The following MACF1 variants were observed in gnomAD, a reference collection of about 807,000 sequenced individuals.
MACF1 encodes microtubule actin crosslinking factor 1.
Under a neutral mutation model 854.8 loss-of-function variants are expected in MACF1, and 193 were observed. The ratio of observed to expected loss-of-function variants is 0.23; its 90% CI spans 0.20 to 0.25. MACF1 has a LOEUF of 0.25. Among genes scored for constraint, MACF1 ranks in the 10% least tolerant of loss-of-function variants. The pLI, the probability that MACF1 is intolerant of heterozygous loss-of-function variation, is 1.00. For missense variants in MACF1, 7,722 were observed against 8,929.1 expected (o/e 0.86, Z 5.45); for synonymous variants, 3,185 against 3,226.7 (o/e 0.99, Z 0.44).
In MACF1 at chr1:39,357,634, G is replaced by C. The variant is rs142001499; in HGVS notation, c.11684G>C (p.Arg3895Pro). The C allele has an allele frequency of 1.2e-6, 2 of 1,614,112 alleles. No homozygotes were observed. Among genetic ancestry groups the C allele is most frequent in the African/African-American group, 1.3e-5 (1 of 75,026 alleles). ...AAAGAGTTTGAAAGCTGGTTGGAAC[G>C]ATCCGAGAAAGAGCTGGAGAACATG... The part of the protein sequence containing the change: ...DHKEFESWLE[R>P]SEKELENMHK... Residue 3895 changes from arginine (R) to proline (P), a missense_variant, in exon 45 of 101, where the codon CGA (arginine) becomes CCA (proline). By Grantham distance (103) the Arg-to-Pro change is moderately radical. Coordinates refer to ENST00000564288, the MANE Select transcript of MACF1 (RefSeq NM_001394062.1).
chr1:39,295,258 G>A, intron 19 of MACF1, 108 bp downstream of exon 19: 2 of 891,378 alleles, frequency 2.2e-6, no homozygotes, highest in Non-Finnish European at 3.6e-6. Context: ...AAGTGTCAGG[G>A]AACATTTGTC....
intron 2 of MACF1, among the ~76,000 whole-genome samples, chr1:39,114,772 G>C (rs1557462301): frequency 6.6e-6 from 1 of 152,126 alleles, no homozygotes; most frequent in Non-Finnish European, 1.5e-5. Context: ...ATTGTAGGGA[G>C]GGCTATCATA....
chr1:39,263,764 CTTTTTTCTTTTTT>C (rs1188479023), intron 6 of MACF1, among the ~76,000 whole-genome samples: 1,168 of 96,028 alleles, frequency 0.012, 13 homozygotes, highest in African/African-American at 0.044. Context: ...CATCTTTTTT[CTTTTTTCTTTTTT>C]TTTTTTTTTT....
intron 2 of MACF1, among the ~76,000 whole-genome samples, chr1:39,119,952 C>T (rs538529716): frequency 6.2e-5 from 9 of 144,970 alleles, no homozygotes; most frequent in African/African-American, 7.8e-5. Context: ...GGCATGATCT[C>T]GGCTCACCGC....
At chr1:39,110,759 C>T (rs1165466478) in intron 2 of MACF1, among the ~76,000 whole-genome samples, 1 of 152,188 alleles carries the variant, frequency 6.6e-6, no homozygotes, top group African/African-American at 2.4e-5. Flanking sequence ...GGAGCTACTG[C>T]CTTGTCTTGG....
intron 23 of MACF1, chr1:39,304,541 C>A: frequency 4.7e-6 from 5 of 1,074,580 alleles, no homozygotes; most frequent in Non-Finnish European, 4.1e-6. Flanking sequence ...TTCAGCAACA[C>A]TCCTTTCAAA....
At chr1:39,326,550 G>A (rs1407628084) in intron 35 of MACF1, among the ~76,000 whole-genome samples, 10 of 151,616 alleles carry the variant, frequency 6.6e-5, no homozygotes, top group Admixed American at 5.9e-4. Flanking sequence ...GTGTGGTGGC[G>A]GGCACGTGTA....
chr1:39,191,297 GC>G (rs1644253124), intron 2 of MACF1, among the ~76,000 whole-genome samples: 2 of 147,122 alleles, frequency 1.4e-5, no homozygotes, highest in South Asian at 4.3e-4. Context: ...AATTATTATT[GC>G]TTAAGATAGC....
At chr1:39,233,986 T>A (rs946720433) in intron 2 of MACF1, among the ~76,000 whole-genome samples, 2 of 141,798 alleles carry the variant, frequency 1.4e-5, no homozygotes, top group African/African-American at 5.2e-5. Context: ...GGAGTGGTGA[T>A]GACTCTTAAC....
At chr1:39,445,407 A>G (rs1160080943) in intron 80 of MACF1, among the ~76,000 whole-genome samples, 1 of 152,206 alleles carries the variant, frequency 6.6e-6, no homozygotes, top group African/African-American at 2.4e-5. Context: ...TGCTCAGATC[A>G]AGTATGAAAT....
chr1:39,428,521 A>G (rs1261932302), intron 63 of MACF1, among the ~76,000 whole-genome samples: 1 of 152,210 alleles, frequency 6.6e-6, no homozygotes, highest in East Asian at 1.9e-4. Flanking sequence ...TACAGGGTAT[A>G]TAGTCAGGGG....
At chr1:39,221,308 G>C (rs2148290837) in intron 1 of MACF1, among the ~76,000 whole-genome samples, 1 of 151,998 alleles carries the variant, frequency 6.6e-6, no homozygotes, top group Admixed American at 6.6e-5. Flanking sequence ...AAAGGATTTT[G>C]AATAGAGAGA....
intron 52 of MACF1, 92 bp from the exon 53 acceptor site, chr1:39,378,369 C>A: frequency 1.2e-6 from 1 of 860,218 alleles, no homozygotes; most frequent in Admixed American, 1.8e-5. Context: ...GATACCTAAG[C>A]TTAAAGTGAG....
intron 40 of MACF1, 56 bp from the exon 41 acceptor site, chr1:39,346,921 A>G: frequency 8.8e-7 from 1 of 1,134,278 alleles, no homozygotes; most frequent in Non-Finnish European, 1.3e-6. Flanking sequence ...TCATGAACTG[A>G]GAAATGGAAG....
At chr1:39,199,913 A>G (rs1188573905), upstream of MACF1, among the ~76,000 whole-genome samples, 2 of 152,232 alleles carry the variant, frequency 1.3e-5, no homozygotes, top group African/African-American at 4.8e-5. Flanking sequence ...TATTCCCTTC[A>G]GCAAACACTA....
At chr1:39,261,996 AGT>A (rs1645168632) in intron 6 of MACF1, among the ~76,000 whole-genome samples, 1 of 152,202 alleles carries the variant, frequency 6.6e-6, no homozygotes, top group Admixed American at 6.5e-5. Flanking sequence ...TATCACAGTG[AGT>A]GTGAAATTGT....
chr1:39,124,335 T>C (rs1642807284), intron 2 of MACF1, among the ~76,000 whole-genome samples: 1 of 152,186 alleles, frequency 6.6e-6, no homozygotes, highest in Admixed American at 6.5e-5. Flanking sequence ...TGACTTTAGA[T>C]AAATTATTTG....
Position 39,435,567 on chromosome 1 carries a change from G to T in MACF1, c.17794G>T (p.Glu5932Ter). ...TTCTTTTTTTACCTAGCAATTAAGG[G>T]AATCTATTGCTGAACACAAACCTCA... ...QQQEEMRQLR[E>*]SIAEHKPHID... Residue 5932 changes from glutamate (E) to a stop codon, truncating the protein, a stop_gained, in exon 70 of 101, where the codon GAA becomes TAA. Coordinates refer to ENST00000564288, the MANE Select transcript of MACF1 (RefSeq NM_001394062.1). LOFTEE classifies it high-confidence loss of function. 6.2e-7 allele frequency: 1 copy of T among 1,612,270 alleles called. No individual in the cohort carries two copies. Among genetic ancestry groups the T allele is most frequent in the South Asian group, 1.1e-5 (1 of 90,880 alleles).
intron 2 of MACF1, among the ~76,000 whole-genome samples, chr1:39,106,085 C>G (rs1642228752): frequency 6.6e-6 from 1 of 152,008 alleles, no homozygotes; most frequent in Non-Finnish European, 1.5e-5. Flanking sequence ...GCTCTGGGTG[C>G]GAGCTTCCTC....
Sources: gnomAD v4.1 joint callset for allele counts (sites outside exome capture counted in the v4.1 genomes callset) on GRCh38, gnomAD v4.1.1 for gene constraint, MANE v1.5 for transcripts, NCBI Gene and HGNC (gene_info 2026-07-23, HGNC 2026-07-21) for gene names.